The following KIF13A variants were observed in gnomAD, a reference collection of about 807,000 sequenced individuals.
The protein encoded by KIF13A is kinesin family member 13A, also known as kinesin-like protein KIF13A.
Under a neutral mutation model 212.2 loss-of-function variants are expected in KIF13A, and 79 were observed. The observed-to-expected ratio is 0.37, with a 90% confidence interval of 0.31 to 0.45. The LOEUF (loss-of-function observed/expected upper bound fraction) is 0.45, where lower values mean the gene tolerates loss of function less well. Among genes scored for constraint, KIF13A ranks in the 20% least tolerant of loss-of-function variants. KIF13A has a pLI of 1.00. For synonymous variants in KIF13A, 789 were observed against 808.6 expected, an observed-to-expected ratio of 0.98 and a Z score of 0.41; for missense variants, 1,901 against 2,209.0, an observed-to-expected ratio of 0.86 and a Z score of 2.79.
chr6:17,771,704 G>T lies in KIF13A; in HGVS notation c.4476+204C>A, dbSNP rs1759511249. 1.4e-5 allele frequency: 7 copies of T among 491,268 alleles called. No individual in the cohort carries two copies. Among genetic ancestry groups the T allele is most frequent in the South Asian group, 5.2e-5 (1 of 19,238 alleles). The allele number at this position is 491,268 out of a possible 1,614,324, so 30.4% of individuals were successfully genotyped here. A position where few individuals can be genotyped will look rare whatever the true frequency, so the allele number is the denominator to read the frequency against. On this transcript the variant is annotated intron_variant, in intron 37 of 38. Coordinates refer to ENST00000259711, the MANE Select transcript of KIF13A (RefSeq NM_022113.6). The surrounding 1 kb of genome is among the most constrained non-coding windows in gnomAD (Gnocchi z 5.4). ...TACTTTGAAAAGCCATAAACACAAAGAAATAAAACCACAGCAGCAACAACA... is the reference window on the plus strand; with the variant it reads ...TACTTTGAAAAGCCATAAACACAAATAAATAAAACCACAGCAGCAACAACA...
chr6:17,777,109 A>G lies in KIF13A; in HGVS notation c.4170+168T>C, dbSNP rs1561957793. On this transcript the variant is annotated intron_variant, in intron 34 of 38. Coordinates refer to ENST00000259711, the MANE Select transcript of KIF13A (RefSeq NM_022113.6). This position sits in a 1 kb window ranked among gnomAD's most constrained non-coding sequence, Gnocchi z 4.4. The stretch of plus-strand genomic sequence containing the variant: ...GATTGAACAAATGGCTCAGTCTTAG[A>G]CAACTGTGCTGCCTGGTGTGTGTCC... 6.6e-6 allele frequency among the ~76,000 whole-genome samples: 1 copy of G among 152,232 alleles called. No individual in the cohort carries two copies. The highest frequency in any genetic ancestry group is 2.4e-5 in the African/African-American group (1 of 41,462).
Position 17,839,694 on chromosome 6 carries a change from T to C in KIF13A, c.831-2111A>G, listed in dbSNP as rs920461975. Among the ~76,000 whole-genome samples, 1 of 152,090 alleles carries C rather than the reference T, an allele frequency of 6.6e-6. No individual in the cohort carries two copies. Among genetic ancestry groups the C allele is most frequent in the Non-Finnish European group, 1.5e-5 (1 of 68,026 alleles). ...TTAGGGAGGGCCCTAATCTAATGAG[T>C]GATGTCCTTATAAGAAGGTCATATA... On this transcript the variant is annotated intron_variant, in intron 9 of 38. Transcript: ENST00000259711. The surrounding 1 kb of genome is among the most constrained non-coding windows in gnomAD (Gnocchi z 4.3).
chr6:17,779,912 T>A (rs1760395350), intron 31 of KIF13A, among the ~76,000 whole-genome samples: 2 of 151,668 alleles, frequency 1.3e-5, no homozygotes, highest in African/African-American at 4.8e-5. Flanking sequence ...GGCTAACTTT[T>A]TTTTTTTGTA....
Position 17,764,958 on chromosome 6 carries a change from A to C in KIF13A, c.4582-12T>G. ...TCCTCCTCAGAGTCCTATAGAAGTG[A>C]AGCAAAAGTCAGTCATTAGCTCCTT... On this transcript the variant is annotated splice_polypyrimidine_tract_variant and intron_variant, in intron 38 of 38. Transcript: ENST00000259711. This position sits in a 1 kb window ranked among gnomAD's most constrained non-coding sequence, Gnocchi z 5.1. 1 of 1,581,458 alleles carries C rather than the reference A, an allele frequency of 6.3e-7. No individual in the cohort carries two copies. Among genetic ancestry groups the C allele is most frequent in the Admixed American group, 1.8e-5 (1 of 55,276 alleles).
chr6:17,831,174 C>A lies in KIF13A; in HGVS notation c.1328G>T (p.Gly443Val). 1 of 1,613,870 alleles carries A rather than the reference C, an allele frequency of 6.2e-7. No homozygotes were observed. Among genetic ancestry groups the A allele is most frequent in the Non-Finnish European group, 8.5e-7 (1 of 1,179,808 alleles). Residue 443 changes from glycine (G) to valine (V), a missense_variant, in exon 13 of 39, where the codon GGG (glycine) becomes GTG (valine). This residue lies in a region of KIF13A where 506 missense variants were observed against 637.4 expected (regional missense o/e 0.79). Coordinates refer to ENST00000259711, the MANE Select transcript of KIF13A (RefSeq NM_022113.6). ...ISLEMSGIKV[G>V]DDKCYLVNLN... is the part of the protein sequence containing the mutation. ...ATTGACTAAGTAGCATTTGTCATCC[C>A]CCACCTTGATACCGGACATCTCCAG...
chr6:17,879,743 CTT>C lies in KIF13A; in HGVS notation c.160-6308_160-6307del, dbSNP rs549920621. ...GTCCTTGACATTTCCCTTGCAATCTCTTGTTAGTTCCATAAACTATTTACAAA... is the reference window on the plus strand; with the variant it reads ...GTCCTTGACATTTCCCTTGCAATCTCGTTAGTTCCATAAACTATTTACAAA... On this transcript the variant is annotated intron_variant, in intron 3 of 38. Coordinates refer to ENST00000259711, the MANE Select transcript of KIF13A (RefSeq NM_022113.6). Among the ~76,000 whole-genome samples the C allele has an allele frequency of 1.4e-3, 214 of 152,316 alleles. 3 individuals are homozygous for C. Among genetic ancestry groups the C allele is most frequent in the African/African-American group, 4.6e-3 (191 of 41,562 alleles).
At position 17,825,704 on chromosome 6, in the gene KIF13A, C is replaced by CCT; in HGVS notation, c.1786+62_1786+63dup. ...GAATGACACCTGATGCATGCTTATCCCTCACTGAATGGTGTGAGGTGAGGA... is the reference window on the plus strand; with the variant it reads ...GAATGACACCTGATGCATGCTTATCCCTCTCACTGAATGGTGTGAGGTGAGGA... On this transcript the variant is annotated intron_variant, in intron 16 of 38. Coordinates refer to ENST00000259711, the MANE Select transcript of KIF13A (RefSeq NM_022113.6). This position sits in a 1 kb window ranked among gnomAD's most constrained non-coding sequence, Gnocchi z 4.5. The CCT allele has an allele frequency of 2.8e-6, 4 of 1,445,070 alleles. No individual in the cohort carries two copies. The East Asian group carries it at 9.1e-5, about 33-fold the overall frequency. The allele number at this position is 1,445,070 out of a possible 1,614,324, so 89.5% of individuals were successfully genotyped here.
At chr6:17,890,297 G>T (rs922807542) in intron 3 of KIF13A, among the ~76,000 whole-genome samples, 2 of 151,866 alleles carry the variant, frequency 1.3e-5, no homozygotes, top group Non-Finnish European at 2.9e-5. Context: ...AAAGGAGGAA[G>T]AATTCTTTTT....
chr6:17,815,572 C>A, intron 17 of KIF13A: 1 of 426,640 alleles, frequency 2.3e-6, no homozygotes, highest in Non-Finnish European at 4.8e-6. Flanking sequence ...CACTTGTCTT[C>A]TGGTCACTTC....
intron 2 of KIF13A, among the ~76,000 whole-genome samples, chr6:17,953,189 A>G (rs545564441): frequency 4.8e-4 from 73 of 152,310 alleles, no homozygotes; most frequent in Middle Eastern, 3.4e-3. Flanking sequence ...TAACATGGAA[A>G]GGAAGGCATT....
rs1051272842 is a variant in KIF13A at position 17,898,506 on chromosome 6, G to T, written c.147-326C>A. Among the ~76,000 whole-genome samples, 10 of 152,142 alleles carry T rather than the reference G, an allele frequency of 6.6e-5. No homozygotes were observed. Among genetic ancestry groups the T allele is most frequent in the Non-Finnish European group, 1.3e-4 (9 of 68,020 alleles). On this transcript the variant is annotated intron_variant, in intron 2 of 38. Transcript: ENST00000259711. This position sits in a 1 kb window ranked among gnomAD's most constrained non-coding sequence, Gnocchi z 5.2. ...AAGGAAGAGCATCAAGATAAAGAAA[G>T]ATGCCACAATCCTTACTGCATGTGA...
In KIF13A at chr6:17,780,817, A is replaced by C. The variant is rs1425682608; in HGVS notation, c.3759T>G (p.Ile1253Met). The C allele has an allele frequency of 6.2e-7, 1 of 1,613,994 alleles. No homozygotes were observed. The highest frequency in any genetic ancestry group is 1.3e-5 in the African/African-American group (1 of 75,044). ...VTPQNERIYL[I>M]VKTTVQLSHP... ...GGCTGAGTTGAACTGTGGTTTTCAC[A>C]ATTAGGTAAATCCTTTCATTCTGTG... Residue 1253 changes from isoleucine (I) to methionine (M), a missense_variant, in exon 31 of 39, where the codon ATT becomes ATG. Physicochemically the swap from Ile to Met is conservative, Grantham distance 10. Transcript: ENST00000259711.
chr6:17,891,268 C>T (rs1261321097), intron 3 of KIF13A, among the ~76,000 whole-genome samples: 1 of 152,114 alleles, frequency 6.6e-6, no homozygotes, highest in Non-Finnish European at 1.5e-5. Context: ...CTCAAGAGTG[C>T]AAATTTACAA....
chr6:17,868,012 T>C (rs1769582741), intron 4 of KIF13A, among the ~76,000 whole-genome samples: 1 of 152,232 alleles, frequency 6.6e-6, no homozygotes, highest in Non-Finnish European at 1.5e-5. Context: ...AAAGCAATGC[T>C]AGCAGAATAA....
intron 2 of KIF13A, among the ~76,000 whole-genome samples, chr6:17,922,785 CT>C (rs1316047647): frequency 4.6e-5 from 7 of 151,428 alleles, no homozygotes; most frequent in African/African-American, 7.3e-5. Flanking sequence ...CATATTTCTT[CT>C]TTTTTTAATT....
In KIF13A at chr6:17,982,279, G is replaced by C. The variant is rs1781163046; in HGVS notation, c.146+4775C>G. The C allele has an allele frequency of 5.3e-6, 1 of 188,340 alleles. No homozygotes were observed. Among genetic ancestry groups the C allele is most frequent in the Admixed American group, 6.5e-5 (1 of 15,276 alleles). 11.7% of individuals were successfully genotyped at this position (188,340 alleles called of 1,614,324 possible). On this transcript the variant is annotated intron_variant, in intron 2 of 38. Coordinates refer to ENST00000259711, the MANE Select transcript of KIF13A (RefSeq NM_022113.6). The surrounding 1 kb of genome is among the most constrained non-coding windows in gnomAD (Gnocchi z 5.1). ...CTCGGCTAACTTTTGTATTTTTTTA[G>C]TGGAGACAGGGTTTCACCATGTTGG...
intron 2 of KIF13A, among the ~76,000 whole-genome samples, chr6:17,920,560 A>G (rs1774967544): frequency 6.6e-6 from 1 of 152,138 alleles, no homozygotes; most frequent in African/African-American, 2.4e-5. Context: ...AAAACTACCT[A>G]TTCACTCTAC....
rs1013438201 is a variant in KIF13A at position 17,967,397 on chromosome 6, A to G, written c.146+19657T>C. 2.6e-5 allele frequency among the ~76,000 whole-genome samples: 4 copies of G among 152,252 alleles called. No homozygotes were observed. The highest frequency in any genetic ancestry group is 7.2e-5 in the African/African-American group (3 of 41,468). On this transcript the variant is annotated intron_variant, in intron 2 of 38. Coordinates refer to ENST00000259711, the MANE Select transcript of KIF13A (RefSeq NM_022113.6). The surrounding 1 kb of genome is among the most constrained non-coding windows in gnomAD (Gnocchi z 4.1). Reference sequence around the variant, plus strand: ...ATATCTTATATTTTCAAAGTGTTCAACAGTGAATGGGCATCACATTTATAA... The same window carrying G: ...ATATCTTATATTTTCAAAGTGTTCAGCAGTGAATGGGCATCACATTTATAA...
At position 17,764,783 on chromosome 6, in the gene KIF13A, A is replaced by G. The variant is rs1442514320; in HGVS notation, c.4745T>C (p.Leu1582Ser). 2.5e-6 allele frequency: 4 copies of G among 1,613,138 alleles called. No homozygotes were observed. Among genetic ancestry groups the G allele is most frequent in the Non-Finnish European group, 2.5e-6 (3 of 1,179,592 alleles). ...AGGGCTACGGGACACTTCTTTCTCC[A>G]AGACCCGTGAGTTTGACAGATCTAC... ...SKVDLSNSRV[L>S]EKEVSRSPTT... is the part of the protein sequence containing the mutation. The change falls in exon 39 of 39, where the codon TTG becomes TCG. Residue 1582 changes from leucine to serine, a missense_variant. Coordinates refer to ENST00000259711, the MANE Select transcript of KIF13A (RefSeq NM_022113.6). The surrounding 1 kb of genome is among the most constrained non-coding windows in gnomAD (Gnocchi z 5.1).
Sources: gnomAD v4.1 joint callset for allele counts (sites outside exome capture counted in the v4.1 genomes callset) on GRCh38, gnomAD v4.1.1 for gene constraint, gnomAD v4.1.1 regional missense constraint, Gnocchi (gnomAD v3.1) non-coding constraint, MANE v1.5 for transcripts, NCBI Gene and HGNC (gene_info 2026-07-23, HGNC 2026-07-21) for gene names.